ILKAP: variants seen among roughly 807,000 people sequenced by gnomAD.
ILKAP encodes ILK associated serine/threonine phosphatase.
ILKAP carries 11 observed loss-of-function variants against 49.1 expected under a neutral mutation model. The ratio of observed to expected loss-of-function variants is 0.22; its 90% confidence interval spans 0.14 to 0.37. ILKAP has a LOEUF of 0.37. Ranked by LOEUF, ILKAP falls within the 10% of genes least tolerant of loss-of-function variation. The pLI is 1.00. For missense variants in ILKAP, 363 were observed against 510.8 expected, an observed-to-expected ratio of 0.71 and a Z score of 2.79; for synonymous variants, 186 against 192.8, an observed-to-expected ratio of 0.96 and a Z score of 0.29.
chr2:238,193,411 G>C (rs1193563784), intron 3 of ILKAP, among the ~76,000 whole-genome samples: 4 of 152,212 alleles, frequency 2.6e-5, no homozygotes, highest in African/African-American at 9.7e-5. Flanking sequence ...AGTAGAGACA[G>C]GGTTTCGCCA....
chr2:238,195,496 A>T (rs1236510383), intron 1 of ILKAP, among the ~76,000 whole-genome samples: 2 of 152,244 alleles, frequency 1.3e-5, no homozygotes, highest in Non-Finnish European at 1.5e-5. Flanking sequence ...TTAACAAAAA[A>T]TGTGAAGATT....
At chr2:238,173,898 C>T in intron 9 of ILKAP, 1 of 510,764 alleles carries the variant, frequency 2.0e-6, no homozygotes, top group Non-Finnish European at 3.5e-6. Context: ...CCAGTGGCTG[C>T]CAAGCAGTGC....
intron 4 of ILKAP, 140 bp downstream of exon 4, chr2:238,189,713 C>A (rs111577930): frequency 1.2e-5 from 8 of 675,772 alleles, no homozygotes; most frequent in African/African-American, 1.1e-4. Flanking sequence ...CTTGGAAATT[C>A]ATTTGCAAAA....
In ILKAP at chr2:238,189,947, C is replaced by A. The variant is rs200051860; in HGVS notation, c.204G>T (p.Gln68His). ...CTCCTTTCCCTTCAGTCTTTACCAT[C>A]TGGGATATTGATGTGGCAAGAGAAC... The part of the protein sequence containing the change: ...DSGSLATSIS[Q>H]MVKTEGKGAK... Residue 68 changes from glutamine to histidine, a missense_variant, in exon 4 of 12, where the codon CAG becomes CAT. By Grantham distance (24) the Gln-to-His change is conservative. This residue lies in a region of ILKAP where 114 missense variants were observed against 116.0 expected (regional missense o/e 0.98). Transcript: ENST00000254654. 3.6e-5 allele frequency: 58 copies of A among 1,613,996 alleles called. 1 individual carries two copies. In the East Asian group the frequency reaches 1.0e-3, roughly 28 times the overall value.
chr2:238,183,463 C>G (rs533909071), intron 8 of ILKAP, among the ~76,000 whole-genome samples, 190 bp downstream of exon 8: 50 of 152,320 alleles, frequency 3.3e-4, no homozygotes, highest in African/African-American at 1.2e-3. Flanking sequence ...CCCCAGAGAA[C>G]AAACAGCCTC....
rs530667844 is a variant in ILKAP, at chr2:238,181,971, C to A, written c.836+94G>T. The A allele has an allele frequency of 3.9e-5, 53 of 1,348,732 alleles. No homozygotes were observed. In the African/African-American group the frequency reaches 7.4e-4, roughly 19 times the overall value. 83.5% of individuals were successfully genotyped at this position (1,348,732 alleles called of 1,614,324 possible). A position where few individuals can be genotyped will look rare whatever the true frequency, so the allele number is the denominator to read the frequency against. ...CAGAGCCTCGTCACACTGAAGACTA[C>A]GTAACAGGGGAAGTTCTACTCCTTG... On this transcript the variant is annotated intron_variant, in intron 9 of 11. Transcript: ENST00000254654.
intron 1 of ILKAP, among the ~76,000 whole-genome samples, chr2:238,198,427 C>A (rs1329639442): frequency 6.6e-6 from 1 of 151,910 alleles, no homozygotes; most frequent in Non-Finnish European, 1.5e-5. Context: ...TTTGTAGAGA[C>A]GGGGTCTCAC....
intron 5 of ILKAP, chr2:238,186,441 T>G (rs1354609563): frequency 6.6e-6 from 1 of 152,322 alleles, no homozygotes; most frequent in Non-Finnish European, 1.5e-5. Flanking sequence ...AAGACCAGCC[T>G]GGGCAACATA....
chr2:238,202,540 G>C (rs936059673), intron 1 of ILKAP, among the ~76,000 whole-genome samples: 2 of 152,184 alleles, frequency 1.3e-5, no homozygotes, highest in Admixed American at 1.3e-4. Flanking sequence ...TAACAGATTC[G>C]GAAACCCCAC....
intron 9 of ILKAP, among the ~76,000 whole-genome samples, chr2:238,181,640 TGA>T (rs1455848690): frequency 2.0e-5 from 3 of 150,508 alleles, no homozygotes; most frequent in Admixed American, 6.6e-5. Flanking sequence ...TTTTTTTTTT[TGA>T]GATGGAGTCT....
At chr2:238,201,904 G>C (rs1007547038) in intron 1 of ILKAP, among the ~76,000 whole-genome samples, 1 of 152,212 alleles carries the variant, frequency 6.6e-6, no homozygotes, top group Non-Finnish European at 1.5e-5. Context: ...TCCAGGACCA[G>C]TTACTGAGAT....
chr2:238,178,881 T>C (rs1160079987), intron 9 of ILKAP, among the ~76,000 whole-genome samples: 1 of 152,198 alleles, frequency 6.6e-6, no homozygotes, highest in African/African-American at 2.4e-5. Flanking sequence ...AACCTCTGCC[T>C]CCCAGGCTCA....
intron 7 of ILKAP, 69 bp downstream of exon 7, chr2:238,183,951 A>G (rs1442753903): frequency 9.1e-7 from 1 of 1,095,428 alleles, no homozygotes; most frequent in Non-Finnish European, 1.4e-6. Context: ...ACCACATCAG[A>G]AGACTGAAAT....
intron 1 of ILKAP, among the ~76,000 whole-genome samples, chr2:238,196,471 C>T (rs561791447): frequency 1.2e-4 from 19 of 152,242 alleles, no homozygotes; most frequent in African/African-American, 4.3e-4. Flanking sequence ...AAGTGGTCCA[C>T]CCGCCTCAGC....
chr2:238,194,245 T>A (rs1282092827), intron 3 of ILKAP, 30 bp downstream of exon 3: 1 of 1,599,350 alleles, frequency 6.3e-7, no homozygotes, highest in South Asian at 1.1e-5. Flanking sequence ...ATTATTTCCA[T>A]CAGCACCTTG....
intron 9 of ILKAP, 134 bp from the exon 10 acceptor site, chr2:238,173,787 C>A (rs1693331075): frequency 9.3e-7 from 1 of 1,079,358 alleles, no homozygotes; most frequent in African/African-American, 1.6e-5. Context: ...TTAACCACTA[C>A]TGACATTTCT....
chr2:238,185,627 C>T (rs866786860), intron 5 of ILKAP: 1 of 202,238 alleles, frequency 4.9e-6, no homozygotes, highest in Non-Finnish European at 1.0e-5. Flanking sequence ...CACGGTGAAA[C>T]CCCATCTCTA....
intron 10 of ILKAP, among the ~76,000 whole-genome samples, chr2:238,171,675 T>C (rs1370749443): frequency 2.6e-5 from 4 of 152,228 alleles, no homozygotes; most frequent in Non-Finnish European, 4.4e-5. Context: ...ATGGTAAATA[T>C]ACAAGAATTT....
chr2:238,194,522 TAA>T, intron 2 of ILKAP, 191 bp from the exon 3 acceptor site: 1 of 615,492 alleles, frequency 1.6e-6, no homozygotes, highest in East Asian at 2.8e-5. Flanking sequence ...TCAAAGGAAA[TAA>T]AAATCTGCCT....
Sources: gnomAD v4.1 joint callset for allele counts (sites outside exome capture counted in the v4.1 genomes callset) on GRCh38, gnomAD v4.1.1 for gene constraint, gnomAD v4.1.1 regional missense constraint, MANE v1.5 for transcripts, NCBI Gene and HGNC (gene_info 2026-07-23, HGNC 2026-07-21) for gene names.